SLC27A6: variants seen among roughly 807,000 people sequenced by gnomAD.
SLC27A6 encodes the protein solute carrier family 27 member 6, also known as long-chain fatty acid transport protein 6.
SLC27A6 carries 74 observed loss-of-function variants against 63.9 expected under a neutral mutation model. The ratio of observed to expected loss-of-function variants is 1.16; its 90% confidence interval spans 0.96 to 1.40. The LOEUF is 1.40. SLC27A6 is among the 40% of genes most tolerant of loss of function. The probability of loss-of-function intolerance (pLI) is 0.00; values close to 1 mark genes in which losing one functional copy is unlikely to be tolerated. For missense variants in SLC27A6, 794 were observed against 732.9 expected (o/e 1.08, Z -0.96); for synonymous variants, 287 against 260.8 (o/e 1.10, Z -0.97).
At chr5:128,969,931 A>ACATC (rs1397553398) in intron 1 of SLC27A6, among the ~76,000 whole-genome samples, 1 of 152,192 alleles carries the variant, frequency 6.6e-6, no homozygotes, top group Non-Finnish European at 1.5e-5. Flanking sequence ...ATTTTGAGAT[A>ACATC]CATCCCATCA....
chr5:128,984,602 C>T (rs1471113215), intron 1 of SLC27A6, among the ~76,000 whole-genome samples: 2 of 152,188 alleles, frequency 1.3e-5, no homozygotes, highest in Non-Finnish European at 2.9e-5. Context: ...ACCTCTCTCT[C>T]CCACCCTCCC....
intron 4 of SLC27A6, among the ~76,000 whole-genome samples, chr5:128,996,277 A>T (rs180762094): frequency 3.7e-4 from 56 of 152,186 alleles, no homozygotes; most frequent in African/African-American, 1.3e-3. Context: ...CTCAAGGCAT[A>T]GTCTATACTT....
At chr5:129,010,111 C>G (rs1025254166) in intron 4 of SLC27A6, among the ~76,000 whole-genome samples, 1 of 152,130 alleles carries the variant, frequency 6.6e-6, no homozygotes, top group African/African-American at 2.4e-5. Flanking sequence ...TGATTTCTCC[C>G]AGTATAAATT....
chr5:129,019,859 G>A lies in SLC27A6; in HGVS notation c.1165-3761G>A, dbSNP rs114556040. 9.1e-3 allele frequency among the ~76,000 whole-genome samples: 1,387 copies of A among 152,062 alleles called. 16 individuals are homozygous for A. The highest frequency in any genetic ancestry group is 0.031 in the African/African-American group (1,280 of 41,516). On this transcript the variant is annotated intron_variant, in intron 5 of 9. Transcript: ENST00000262462. ...GAAAACATAGACAATGATCTGATGT[G>A]TCCTTAATTGGTGTTCCTGCAGTAA...
chr5:128,973,380 A>G (rs11241987), intron 1 of SLC27A6, among the ~76,000 whole-genome samples: 36,683 of 152,148 alleles, frequency 0.24, 4,972 homozygotes, highest in Middle Eastern at 0.33. Context: ...CCCCAGAGGT[A>G]GAGTCTACAG....
At chr5:129,023,495 C>T in intron 5 of SLC27A6, 125 bp from the exon 6 acceptor site, 1 of 572,292 alleles carries the variant, frequency 1.7e-6, no homozygotes, top group Non-Finnish European at 3.0e-6. Context: ...TTTAATAACT[C>T]CATATTCCAA....
At chr5:128,975,524 A>G (rs538070764) in intron 1 of SLC27A6, among the ~76,000 whole-genome samples, 6 of 152,296 alleles carry the variant, frequency 3.9e-5, no homozygotes, top group Admixed American at 6.5e-5. Flanking sequence ...ACTGTACTGA[A>G]TATCGTAGGC....
At chr5:129,021,026 G>C (rs918655205) in intron 5 of SLC27A6, among the ~76,000 whole-genome samples, 2 of 151,566 alleles carry the variant, frequency 1.3e-5, no homozygotes, top group Non-Finnish European at 2.9e-5. Context: ...TCTTTCTGGG[G>C]GCTTGGTTGT....
intron 1 of SLC27A6, among the ~76,000 whole-genome samples, chr5:128,975,326 G>A (rs946152173): frequency 6.6e-6 from 1 of 152,210 alleles, no homozygotes; most frequent in Non-Finnish European, 1.5e-5. Context: ...ACTCCGGTCT[G>A]GGGAATAGAG....
At chr5:128,970,194 G>C (rs944341438) in intron 1 of SLC27A6, among the ~76,000 whole-genome samples, 3 of 146,996 alleles carry the variant, frequency 2.0e-5, no homozygotes, top group Admixed American at 6.8e-5. Context: ...TTTTGCATCA[G>C]TGTTCATCAA....
intron 4 of SLC27A6, among the ~76,000 whole-genome samples, chr5:129,013,819 T>C (rs1751805676): frequency 6.6e-6 from 1 of 152,178 alleles, no homozygotes; most frequent in Admixed American, 6.5e-5. Flanking sequence ...GCATGTTCTT[T>C]GCGTCTCATA....
chr5:128,973,729 A>G (rs966754212), intron 1 of SLC27A6, among the ~76,000 whole-genome samples: 1 of 152,178 alleles, frequency 6.6e-6, no homozygotes, highest in Non-Finnish European at 1.5e-5. Flanking sequence ...TGTGTTTCCC[A>G]GGTGAGGCGA....
chr5:128,985,328 G>A lies in SLC27A6; in HGVS notation c.677G>A (p.Gly226Glu). Residue 226 changes from glycine to glutamate, a missense_variant, in exon 2 of 10, where the codon GGA (glycine) becomes GAA (glutamate). Coordinates refer to ENST00000262462, the MANE Select transcript of SLC27A6 (RefSeq NM_001017372.3). ...KSTCLYIFTS[G>E]TTGLPKAAVI... is the part of the protein sequence containing the mutation. ...ACTTGTCTTTACATTTTTACCTCTG[G>A]AACAACAGGTATGATCCAATTCTTT... 5 of 1,613,554 alleles carry A rather than the reference G, an allele frequency of 3.1e-6. 1 individual carries two copies. Among genetic ancestry groups the A allele is most frequent in the Non-Finnish European group, 4.2e-6 (5 of 1,179,650 alleles).
At chr5:129,028,768 G>T (rs753511919) in intron 8 of SLC27A6, among the ~76,000 whole-genome samples, 1 of 150,602 alleles carries the variant, frequency 6.6e-6, no homozygotes, top group African/African-American at 2.4e-5. Flanking sequence ...ACTGGTGTTT[G>T]TACATACCAC....
intron 4 of SLC27A6, among the ~76,000 whole-genome samples, chr5:129,010,296 C>T (rs1340105479): frequency 6.6e-6 from 1 of 152,038 alleles, no homozygotes; most frequent in Non-Finnish European, 1.5e-5. Flanking sequence ...AAAAAAAATA[C>T]AAATTACAAA....
intron 3 of SLC27A6, among the ~76,000 whole-genome samples, chr5:128,989,889 A>G (rs1012020146): frequency 1.4e-5 from 2 of 147,598 alleles, no homozygotes; most frequent in Non-Finnish European, 3.0e-5. Flanking sequence ...GTGCCACTGC[A>G]CTCCAGCCTG....
chr5:128,977,884 C>G (rs1009511845), intron 1 of SLC27A6, among the ~76,000 whole-genome samples: 9 of 152,108 alleles, frequency 5.9e-5, no homozygotes, highest in South Asian at 2.1e-4. Flanking sequence ...AAAAGCACCC[C>G]AACATTGTTC....
chr5:128,978,487 CAA>C (rs1750467809), intron 1 of SLC27A6, among the ~76,000 whole-genome samples: 1 of 152,128 alleles, frequency 6.6e-6, no homozygotes, highest in South Asian at 2.1e-4. Context: ...GTGACAATAA[CAA>C]GAGTAACATT....
At chr5:128,988,406 C>T (rs1042156730) in intron 2 of SLC27A6, among the ~76,000 whole-genome samples, 194 bp from the exon 3 acceptor site, 3 of 152,166 alleles carry the variant, frequency 2.0e-5, no homozygotes, top group Admixed American at 6.5e-5. Context: ...GTCAAAGGAG[C>T]GTTGCTAAAG....
Sources: allele counts gnomAD v4.1 joint callset (sites outside exome capture counted in the v4.1 genomes callset), GRCh38; gene constraint gnomAD v4.1.1; transcripts MANE v1.5; gene names NCBI Gene and HGNC (gene_info 2026-07-23, HGNC 2026-07-21).